CTNNA3: variants seen among roughly 807,000 people sequenced by gnomAD.
CTNNA3 encodes the protein catenin alpha-3.
In CTNNA3, 76 loss-of-function variants were observed where a neutral mutation model predicts 95.7. The observed-to-expected ratio is 0.79, with a 90% confidence interval of 0.66 to 0.96. The LOEUF is 0.96. Ranked by LOEUF, CTNNA3 falls within the 40% of genes least tolerant of loss-of-function variation. The probability of loss-of-function intolerance (pLI) is 0.00; values close to 1 mark genes in which losing one functional copy is unlikely to be tolerated. For missense variants in CTNNA3, 1,191 were observed against 1,089.8 expected (o/e 1.09, Z -1.31); for synonymous variants, 431 against 374.4 (o/e 1.15, Z -1.74).
chr10:67,724,401 A>G (rs1841197370), intron 1 of CTNNA3, among the ~76,000 whole-genome samples: 2 of 152,302 alleles, frequency 1.3e-5, no homozygotes, highest in Admixed American at 6.5e-5. Context: ...GTGAACATCA[A>G]TTCCCAATTT....
chr10:67,572,054 A>G (rs1174085386), intron 3 of CTNNA3, among the ~76,000 whole-genome samples: 1 of 152,228 alleles, frequency 6.6e-6, no homozygotes, highest in Admixed American at 6.5e-5. Flanking sequence ...AATACTTTGT[A>G]TGGGAAAATG....
chr10:67,296,789 C>T (rs1029443966), intron 5 of CTNNA3, among the ~76,000 whole-genome samples: 32 of 151,884 alleles, frequency 2.1e-4, no homozygotes, highest in African/African-American at 7.3e-4. Context: ...CAAAAAGTAG[C>T]CAGGCATAGT....
chr10:66,371,463 T>A lies in CTNNA3; in HGVS notation c.1732+7689A>T, dbSNP rs576561338. ...AAATCTACCAGAAATAAAGCAGGCT[T>A]TTATGCTTGTTTTAAAGGTTTCATA... On this transcript the variant is annotated intron_variant, in intron 12 of 17. Coordinates refer to ENST00000433211, the MANE Select transcript of CTNNA3 (RefSeq NM_013266.4). 2.0e-5 allele frequency among the ~76,000 whole-genome samples: 3 copies of A among 152,236 alleles called. No homozygotes were observed. In the South Asian group the frequency reaches 6.2e-4, roughly 32 times the overall value.
chr10:66,864,482 T>A (rs1002452517), intron 7 of CTNNA3, among the ~76,000 whole-genome samples: 1 of 152,122 alleles, frequency 6.6e-6, no homozygotes, highest in Non-Finnish European at 1.5e-5. Flanking sequence ...GTAAATTTCT[T>A]TTCTGTATAA....
At chr10:67,753,811 A>T (rs915599533) in intron 1 of CTNNA3, among the ~76,000 whole-genome samples, 1 of 152,216 alleles carries the variant, frequency 6.6e-6, no homozygotes, top group Non-Finnish European at 1.5e-5. Context: ...AAGTCAAGAA[A>T]CAACAGATGC....
At chr10:66,011,760 G>A (rs763121404) in intron 15 of CTNNA3, among the ~76,000 whole-genome samples, 2 of 152,096 alleles carry the variant, frequency 1.3e-5, no homozygotes, top group African/African-American at 2.4e-5. Flanking sequence ...TCGACACACA[G>A]CAACTCTCTT....
At position 67,382,012 on chromosome 10, in the gene CTNNA3, A is replaced by G. The variant is rs117265144; in HGVS notation, c.579+139830T>C. On this transcript the variant is annotated intron_variant, in intron 5 of 17. Transcript: ENST00000433211. ...TATCAGTTTACTTAAACCATGTTCA[A>G]TGAAAAATAGATAATCAAAAAGATT... 4.7e-3 allele frequency among the ~76,000 whole-genome samples: 710 copies of G among 152,348 alleles called. 19 individuals carry two copies. In the East Asian group the frequency reaches 0.07, roughly 15 times the overall value.
At chr10:65,965,533 T>C (rs1399479693) in intron 17 of CTNNA3, among the ~76,000 whole-genome samples, 1 of 151,160 alleles carries the variant, frequency 6.6e-6, no homozygotes, top group African/African-American at 2.4e-5. Context: ...GACTACTGAG[T>C]AGCTGAGATT....
intron 9 of CTNNA3, among the ~76,000 whole-genome samples, chr10:66,678,722 C>G (rs927815956): frequency 1.3e-5 from 2 of 152,164 alleles, no homozygotes; most frequent in African/African-American, 4.8e-5. Flanking sequence ...TTCTTCCCTT[C>G]CTTTATTGCT....
chr10:66,764,168 T>C (rs1190020937), intron 9 of CTNNA3, among the ~76,000 whole-genome samples: 1 of 152,154 alleles, frequency 6.6e-6, no homozygotes, highest in Non-Finnish European at 1.5e-5. Context: ...TAAGGAAACA[T>C]GTCGAGTTAA....
intron 7 of CTNNA3, among the ~76,000 whole-genome samples, chr10:66,940,871 T>C (rs1191053598): frequency 6.6e-6 from 1 of 152,102 alleles, no homozygotes; most frequent in Non-Finnish European, 1.5e-5. Flanking sequence ...ACAAAACAGA[T>C]TTAGGTTTCT....
chr10:67,411,496 A>G (rs1185331733), intron 5 of CTNNA3, among the ~76,000 whole-genome samples: 1 of 152,018 alleles, frequency 6.6e-6, no homozygotes, highest in Non-Finnish European at 1.5e-5. Flanking sequence ...CCCATTCCAA[A>G]TGAGGATCTG....
intron 12 of CTNNA3, among the ~76,000 whole-genome samples, chr10:66,348,184 CA>C (rs1157817283): frequency 6.6e-6 from 1 of 151,978 alleles, no homozygotes; most frequent in Non-Finnish European, 1.5e-5. Flanking sequence ...GTCTTTCTTG[CA>C]AAAATGAAAC....
chr10:66,524,747 G>A (rs1453270023), intron 10 of CTNNA3, among the ~76,000 whole-genome samples: 1 of 151,818 alleles, frequency 6.6e-6, no homozygotes. Flanking sequence ...AACCTATAAT[G>A]TTTAAAAAGA....
At chr10:67,028,406 T>A (rs1051927318) in intron 7 of CTNNA3, among the ~76,000 whole-genome samples, 1 of 152,026 alleles carries the variant, frequency 6.6e-6, no homozygotes, top group Non-Finnish European at 1.5e-5. Context: ...ATTTAACATT[T>A]CTCAACCAAA....
At chr10:67,146,564 A>G (rs1184684156) in intron 7 of CTNNA3, among the ~76,000 whole-genome samples, 1 of 152,254 alleles carries the variant, frequency 6.6e-6, no homozygotes, top group Non-Finnish European at 1.5e-5. Context: ...AGAGCCAGTT[A>G]GTAATCATTT....
chr10:66,555,057 T>C (rs1842347993), intron 10 of CTNNA3, among the ~76,000 whole-genome samples: 1 of 152,162 alleles, frequency 6.6e-6, no homozygotes, highest in African/African-American at 2.4e-5. Flanking sequence ...TGGGCATTAT[T>C]AACACATGAC....
At chr10:67,543,238 T>C (rs545348060) in intron 3 of CTNNA3, among the ~76,000 whole-genome samples, 2 of 152,010 alleles carry the variant, frequency 1.3e-5, no homozygotes, top group African/African-American at 2.4e-5. Context: ...CTAGAGTATA[T>C]AGTCTACAAA....
chr10:66,330,917 G>T (rs1206276063), intron 12 of CTNNA3, among the ~76,000 whole-genome samples: 7 of 151,898 alleles, frequency 4.6e-5, no homozygotes, highest in Non-Finnish European at 1.0e-4. Flanking sequence ...TTGATGGGGT[G>T]GTTTGTTTTT....
Sources: allele counts gnomAD v4.1 joint callset (sites outside exome capture counted in the v4.1 genomes callset), GRCh38; gene constraint gnomAD v4.1.1; transcripts MANE v1.5; gene names NCBI Gene and HGNC (gene_info 2026-07-23, HGNC 2026-07-21).